FNBP1: variants seen among roughly 807,000 people sequenced by gnomAD.
The protein encoded by FNBP1 is formin binding protein 1.
FNBP1 carries 26 observed loss-of-function variants against 90.6 expected under a neutral mutation model. That is an observed-to-expected ratio of 0.29 (90% CI 0.21 to 0.40). The LOEUF is 0.40. FNBP1 is among the 10% of genes least tolerant of loss of function. The probability of loss-of-function intolerance (pLI) is 1.00; values close to 1 mark genes in which losing one functional copy is unlikely to be tolerated. For missense variants in FNBP1, 635 were observed against 768.0 expected, an observed-to-expected ratio of 0.83 and a Z score of 2.05; for synonymous variants, 260 against 265.2, an observed-to-expected ratio of 0.98 and a Z score of 0.19.
At chr9:130,013,221 C>A (rs576117188) in intron 1 of FNBP1, among the ~76,000 whole-genome samples, 1 of 152,012 alleles carries the variant, frequency 6.6e-6, no homozygotes, top group Non-Finnish European at 1.5e-5. Context: ...CTCAAGCAAT[C>A]CCCCTGCCTC....
intron 6 of FNBP1, 34 bp from the exon 7 acceptor site, chr9:129,929,729 T>A: frequency 1.9e-6 from 3 of 1,611,360 alleles, no homozygotes; most frequent in South Asian, 2.2e-5. Context: ...CCTACGTTTA[T>A]ACACCATAGA....
upstream of FNBP1, among the ~76,000 whole-genome samples, chr9:130,045,832 G>A (rs1373619890): frequency 6.6e-6 from 1 of 152,164 alleles, no homozygotes; most frequent in African/African-American, 2.4e-5. Context: ...TTTTTAGGAA[G>A]AACTAAATCC....
chr9:129,927,137 G>A, intron 8 of FNBP1, 58 bp downstream of exon 8: 1 of 1,562,844 alleles, frequency 6.4e-7, no homozygotes, highest in Non-Finnish European at 8.8e-7. Flanking sequence ...GAAAGGGGAT[G>A]GGGAGAAATA....
intron 6 of FNBP1, among the ~76,000 whole-genome samples, chr9:129,945,894 A>G (rs1165488053): frequency 6.6e-6 from 1 of 152,174 alleles, no homozygotes; most frequent in Admixed American, 6.6e-5. Context: ...GTGGCTGGGC[A>G]TGGTGGCTCA....
intron 15 of FNBP1, 47 bp from the exon 16 acceptor site, chr9:129,896,043 G>A (rs1460244556): frequency 7.8e-6 from 12 of 1,541,426 alleles, no homozygotes; most frequent in Non-Finnish European, 1.0e-5. Flanking sequence ...GCAAATGCAG[G>A]GAGGAAGCAA....
At chr9:129,960,411 AAAAAGAAAAAGAAAAAG>A in intron 4 of FNBP1, among the ~76,000 whole-genome samples, 1 of 129,860 alleles carries the variant, frequency 7.7e-6, no homozygotes, top group African/African-American at 2.7e-5. Context: ...AAAGAAAAAG[AAAAAGAAAAAGAAAAAG>A]AAAATTGCTG....
chr9:130,031,186 A>G lies in FNBP1; in HGVS notation c.24+11766T>C, dbSNP rs1222079920. ...ATAAACAGGTTGAGAAATGCAATAG[A>G]TAGAAAGGCTCTCTACTGAAACCCA... On this transcript the variant is annotated intron_variant, in intron 1 of 16. Coordinates refer to ENST00000446176, the MANE Select transcript of FNBP1 (RefSeq NM_015033.3). This position sits in a 1 kb window ranked among gnomAD's most constrained non-coding sequence, Gnocchi z 4.2. Among the ~76,000 whole-genome samples, 1 of 152,194 alleles carries G rather than the reference A, an allele frequency of 6.6e-6. No homozygotes were observed. The highest frequency in any genetic ancestry group is 1.5e-5 in the Non-Finnish European group (1 of 68,028).
intron 1 of FNBP1, among the ~76,000 whole-genome samples, chr9:130,024,394 G>C (rs565977109): frequency 6.6e-6 from 1 of 152,182 alleles, no homozygotes; most frequent in Non-Finnish European, 1.5e-5. Flanking sequence ...AGGCTGCAGT[G>C]AGCTCTGACA....
chr9:130,033,846 C>CAAAAAAAAA (rs36040639), intron 1 of FNBP1, among the ~76,000 whole-genome samples: 5 of 103,686 alleles, frequency 4.8e-5, no homozygotes, highest in African/African-American at 7.7e-5. Flanking sequence ...ACTAAAAATA[C>CAAAAAAAAA]AAAAAAAAAA....
At chr9:129,931,920 A>C (rs1431751467) in intron 6 of FNBP1, among the ~76,000 whole-genome samples, 1 of 152,076 alleles carries the variant, frequency 6.6e-6, no homozygotes, top group African/African-American at 2.4e-5. Flanking sequence ...AAGGGAAGAA[A>C]GAACGAAAGA....
At chr9:129,910,638 T>C (rs2039103766) in intron 11 of FNBP1, among the ~76,000 whole-genome samples, 1 of 152,088 alleles carries the variant, frequency 6.6e-6, no homozygotes, top group Admixed American at 6.6e-5. Flanking sequence ...GGAGACCCAG[T>C]TAATGTAATT....
the FNBP1 span, among the ~76,000 whole-genome samples, chr9:130,048,915 G>C: frequency 6.6e-6 from 1 of 151,294 alleles, no homozygotes; most frequent in Non-Finnish European, 1.5e-5. Flanking sequence ...CGAGTAGCTG[G>C]GACTACAGGC....
chr9:129,895,357 T>C, intron 16 of FNBP1: 1 of 1,072,180 alleles, frequency 9.3e-7, no homozygotes. Context: ...GTATACAATT[T>C]AACAAACTAA....
chr9:130,000,875 A>G (rs2131429273), intron 1 of FNBP1, among the ~76,000 whole-genome samples: 1 of 152,324 alleles, frequency 6.6e-6, no homozygotes, highest in Non-Finnish European at 1.5e-5. Flanking sequence ...AGCTAGTTCA[A>G]CTTACAACTC....
chr9:130,013,986 T>C (rs1423203320), intron 1 of FNBP1: 6 of 456,142 alleles, frequency 1.3e-5, no homozygotes, highest in South Asian at 7.8e-5. Context: ...CAGGTTGTGG[T>C]ATTCTGCTAT....
chr9:129,947,163 G>A (rs569036891), intron 6 of FNBP1, among the ~76,000 whole-genome samples: 151 of 152,228 alleles, frequency 9.9e-4, no homozygotes, highest in Admixed American at 2.0e-3. Flanking sequence ...AAAACAGGCT[G>A]GGCACGGTGG....
intron 1 of FNBP1, among the ~76,000 whole-genome samples, chr9:130,018,894 C>T (rs2057525085): frequency 6.6e-6 from 1 of 152,104 alleles, no homozygotes; most frequent in South Asian, 2.1e-4. Flanking sequence ...CAAGAATCAT[C>T]TTTTGCTAGC....
intron 16 of FNBP1, chr9:129,895,386 G>A: frequency 1.8e-6 from 2 of 1,082,740 alleles, no homozygotes; most frequent in South Asian, 4.5e-5. Flanking sequence ...AGTTTATTAA[G>A]TTACAATCTG....
upstream of FNBP1, among the ~76,000 whole-genome samples, chr9:130,046,524 A>G (rs1480280568): frequency 7.0e-6 from 1 of 143,860 alleles, no homozygotes; most frequent in Non-Finnish European, 1.5e-5. Context: ...ATCCGAGGTC[A>G]GGAGTTTGAG....
Sources: allele counts gnomAD v4.1 joint callset (sites outside exome capture counted in the v4.1 genomes callset), GRCh38; gene constraint gnomAD v4.1.1; non-coding constraint Gnocchi (gnomAD v3.1); transcripts MANE v1.5; gene names NCBI Gene and HGNC (gene_info 2026-07-23, HGNC 2026-07-21).